Variants in CLASP2 observed in about 807,000 individuals in gnomAD.
CLASP2 encodes the protein CLIP-associating protein 2.
A neutral mutation model predicts 194.4 loss-of-function variants in CLASP2; 47 were observed. The ratio of observed to expected loss-of-function variants is 0.24; its 90% confidence interval spans 0.19 to 0.31. The LOEUF is 0.31. Ranked by LOEUF, CLASP2 falls within the 10% of genes least tolerant of loss-of-function variation. The probability of loss-of-function intolerance (pLI) is 1.00; values close to 1 mark genes in which losing one functional copy is unlikely to be tolerated. For synonymous variants in CLASP2, 619 were observed against 633.5 expected (o/e 0.98, Z 0.34); for missense variants, 1,445 against 1,823.6 (o/e 0.79, Z 3.78).
At chr3:33,520,319 T>G (rs1360740897) in intron 34 of CLASP2, among the ~76,000 whole-genome samples, 1 of 152,226 alleles carries the variant, frequency 6.6e-6, no homozygotes, top group Non-Finnish European at 1.5e-5. Context: ...ATATTGTCTC[T>G]TGACATGAGA....
At chr3:33,544,261 G>C (rs748022065) in intron 31 of CLASP2, among the ~76,000 whole-genome samples, 7 of 152,142 alleles carry the variant, frequency 4.6e-5, no homozygotes, top group Non-Finnish European at 7.4e-5. Context: ...TAAATGGACT[G>C]ACAAGCCTGT....
chr3:33,596,319 T>C, intron 19 of CLASP2, among the ~76,000 whole-genome samples: 1 of 152,172 alleles, frequency 6.6e-6, no homozygotes, highest in East Asian at 1.9e-4. Context: ...ACTTACGAAA[T>C]ATGTCATTTG....
At chr3:33,544,611 A>T in intron 31 of CLASP2, 87 bp downstream of exon 31, 1 of 1,232,592 alleles carries the variant, frequency 8.1e-7, no homozygotes, top group Non-Finnish European at 1.1e-6. Context: ...TATATTAAGG[A>T]TCAAGTTTAC....
chr3:33,711,467 C>A (rs148050773), intron 1 of CLASP2, among the ~76,000 whole-genome samples: 3 of 150,088 alleles, frequency 2.0e-5, no homozygotes, highest in Non-Finnish European at 3.0e-5. Flanking sequence ...ACCATGTTGG[C>A]CAGGCTGGTA....
chr3:33,696,876 A>G lies in CLASP2; in HGVS notation c.253T>C (p.Phe85Leu). The change falls in exon 2 of 39, where the codon TTT becomes CTT. Residue 85 changes from phenylalanine to leucine, a missense_variant. This residue lies in a region of CLASP2 where 332 missense variants were observed against 325.3 expected (regional missense o/e 1.02). Coordinates refer to ENST00000682230, the MANE Select transcript of CLASP2 (RefSeq NM_001365631.1). ...SAFVDRLSTR[F>L]KSYVAMVIVA... is the part of the protein sequence containing the mutation. ...TTACCCATTGCTACATAGGATTTAA[A>G]GCGTGTTGATAATCTGTCCACAAAG... is the stretch of plus-strand genomic sequence containing the variant. 1 of 1,594,004 alleles carries G rather than the reference A, an allele frequency of 6.3e-7. No individual in the cohort carries two copies. Among genetic ancestry groups the G allele is most frequent in the African/African-American group, 1.3e-5 (1 of 74,712 alleles).
intron 34 of CLASP2, among the ~76,000 whole-genome samples, chr3:33,531,490 T>C (rs2056282350): frequency 6.6e-6 from 1 of 152,172 alleles, no homozygotes; most frequent in Non-Finnish European, 1.5e-5. Flanking sequence ...AAAACTACAA[T>C]GACGGCCAGG....
intron 19 of CLASP2, 111 bp downstream of exon 19, chr3:33,596,600 A>G (rs201777901): frequency 1.7e-5 from 13 of 784,664 alleles, no homozygotes; most frequent in Non-Finnish European, 2.3e-5. Context: ...TTATCACTAA[A>G]TAAGTATTAA....
intron 18 of CLASP2, among the ~76,000 whole-genome samples, chr3:33,598,411 C>G (rs545352680): frequency 2.6e-5 from 4 of 152,096 alleles, no homozygotes; most frequent in Non-Finnish European, 5.9e-5. Flanking sequence ...TCCCTTCCAT[C>G]ACTTCCTCCC....
intron 1 of CLASP2, among the ~76,000 whole-genome samples, chr3:33,699,108 A>G (rs2092182145): frequency 6.6e-6 from 1 of 152,330 alleles, no homozygotes; most frequent in South Asian, 2.1e-4. Context: ...TGATGGGTTC[A>G]TCAAAAGATT....
At chr3:33,502,399 A>C (rs1380583428) in intron 37 of CLASP2, 1 of 152,238 alleles carries the variant, frequency 6.6e-6, no homozygotes, top group African/African-American at 2.4e-5. Context: ...AGGCTAATCA[A>C]CATATCCATC....
chr3:33,532,934 G>A (rs1206022163), intron 34 of CLASP2, among the ~76,000 whole-genome samples: 1 of 152,122 alleles, frequency 6.6e-6, no homozygotes, highest in East Asian at 1.9e-4. Context: ...AGTGTTTAAC[G>A]TGACAGAGCA....
Position 33,538,862 on chromosome 3 carries a change from T to A in CLASP2, c.3485A>T (p.Asn1162Ile). ...SLRGVTEAIQ[N>I]FSFRSQEDMN... ...ATCTTCTTGGCTACGGAAGCTGAAATTCTGGATTGCTTCAGTGACACCTCT... is the reference window on the plus strand; with the variant it reads ...ATCTTCTTGGCTACGGAAGCTGAAAATCTGGATTGCTTCAGTGACACCTCT... The change falls in exon 33 of 39, where the codon AAT becomes ATT. Residue 1162 changes from asparagine to isoleucine, a missense_variant. Asn to Ile is a moderately radical substitution (Grantham distance 149). Coordinates refer to ENST00000682230, the MANE Select transcript of CLASP2 (RefSeq NM_001365631.1). 6.2e-7 allele frequency: 1 copy of A among 1,608,508 alleles called. No individual in the cohort carries two copies. Among genetic ancestry groups the A allele is most frequent in the Non-Finnish European group, 8.5e-7 (1 of 1,177,192 alleles).
chr3:33,629,763 TA>T (rs372631796), intron 9 of CLASP2, among the ~76,000 whole-genome samples: 5 of 144,318 alleles, frequency 3.5e-5, no homozygotes, highest in Admixed American at 6.9e-5. Context: ...AAATGAGTAT[TA>T]AAAAAAAATC....
At chr3:33,670,496 C>T (rs1320779995) in intron 6 of CLASP2, among the ~76,000 whole-genome samples, 1 of 152,166 alleles carries the variant, frequency 6.6e-6, no homozygotes, top group Non-Finnish European at 1.5e-5. Context: ...TGGAAAGTTG[C>T]TACTCTGCCC....
chr3:33,625,451 A>T (rs2077845010), intron 10 of CLASP2, among the ~76,000 whole-genome samples: 1 of 151,894 alleles, frequency 6.6e-6, no homozygotes. Context: ...ATATCTGAGC[A>T]ACTATTTATT....
chr3:33,590,257 T>C lies in CLASP2; in HGVS notation c.2068+2138A>G, dbSNP rs75154854. Among the ~76,000 whole-genome samples, 260 of 152,312 alleles carry C rather than the reference T, an allele frequency of 1.7e-3. 8 individuals are homozygous for C. In the East Asian group the frequency reaches 0.049, roughly 28 times the overall value. On this transcript the variant is annotated intron_variant, in intron 21 of 38. Coordinates refer to ENST00000682230, the MANE Select transcript of CLASP2 (RefSeq NM_001365631.1). ...CCTCTTCATTTTACAGATGAAATTA[T>C]AGAAGTGCAGTAACTTCAAATAACC...
intron 9 of CLASP2, among the ~76,000 whole-genome samples, chr3:33,628,121 T>C (rs1050438554): frequency 6.6e-6 from 1 of 152,110 alleles, no homozygotes; most frequent in African/African-American, 2.4e-5. Flanking sequence ...TCAACAGCTA[T>C]TAAATTCACC....
At chr3:33,659,297 G>A in intron 7 of CLASP2, 1 of 1,171,332 alleles carries the variant, frequency 8.5e-7, no homozygotes. Context: ...TGTACTGGCT[G>A]CCTGAAATTT....
chr3:33,551,521 G>T, intron 29 of CLASP2, 126 bp from the exon 30 acceptor site: 1 of 900,562 alleles, frequency 1.1e-6, no homozygotes, highest in Non-Finnish European at 1.6e-6. Context: ...GTCTTACTAT[G>T]TTGGCAAGGT....
Sources: allele counts gnomAD v4.1 joint callset (sites outside exome capture counted in the v4.1 genomes callset), GRCh38; gene constraint gnomAD v4.1.1; regional missense constraint gnomAD v4.1.1; transcripts MANE v1.5; gene names NCBI Gene and HGNC (gene_info 2026-07-23, HGNC 2026-07-21).